CFAP96: variants seen among roughly 807,000 people sequenced by gnomAD.
CFAP96 encodes the protein cilia and flagella associated protein 96.
the CFAP96 span, among the ~76,000 whole-genome samples, chr4:185,411,726 T>C: frequency 6.6e-6 from 1 of 152,176 alleles, no homozygotes; most frequent in Non-Finnish European, 1.5e-5. Context: ...GTTGCACATA[T>C]GTATCGAGAG....
At chr4:185,441,069 G>T in the CFAP96 span, among the ~76,000 whole-genome samples, 1 of 151,860 alleles carries the variant, frequency 6.6e-6, no homozygotes, top group South Asian at 2.1e-4. Flanking sequence ...TCCTGCATCA[G>T]CCTCCAGAGT....
the CFAP96 span, among the ~76,000 whole-genome samples, chr4:185,443,451 C>T: frequency 0.059 from 8,679 of 146,766 alleles, 378 homozygotes; most frequent in African/African-American, 0.12. Flanking sequence ...TCAATTCAAG[C>T]GATTCCTTTG....
At chr4:185,445,404 G>T in the CFAP96 span, 1 of 890,762 alleles carries the variant, frequency 1.1e-6, no homozygotes, top group Non-Finnish European at 1.8e-6. Context: ...GCCTCATTAT[G>T]AGTCATTTGA....
the CFAP96 span, chr4:185,440,648 C>T: frequency 6.6e-7 from 1 of 1,513,196 alleles, no homozygotes; most frequent in African/African-American, 1.4e-5. Context: ...GGAATCTTTA[C>T]CACCAATTAA....
the CFAP96 span, among the ~76,000 whole-genome samples, chr4:185,435,653 T>C: frequency 1.3e-5 from 2 of 152,178 alleles, no homozygotes; most frequent in Admixed American, 1.3e-4. Flanking sequence ...GAAACAGCAG[T>C]CTTAAATATT....
the CFAP96 span, among the ~76,000 whole-genome samples, chr4:185,438,292 A>G: frequency 6.6e-6 from 1 of 151,864 alleles, no homozygotes; most frequent in African/African-American, 2.4e-5. Context: ...TTTTCCTTCT[A>G]TGTATTTCAT....
At chr4:185,415,278 A>G in the CFAP96 span, 1 of 1,600,890 alleles carries the variant, frequency 6.2e-7, no homozygotes, top group South Asian at 1.1e-5. Flanking sequence ...TTCCTTTCAT[A>G]TATTTCAAAA....
the CFAP96 span, among the ~76,000 whole-genome samples, chr4:185,448,221 G>T: frequency 6.6e-6 from 1 of 151,960 alleles, no homozygotes; most frequent in African/African-American, 2.4e-5. Flanking sequence ...GGGTTTTGCC[G>T]TGTTGGTCAG....
chr4:185,415,403 A>G, the CFAP96 span: 1 of 1,401,620 alleles, frequency 7.1e-7, no homozygotes, highest in Admixed American at 2.7e-5. Context: ...TACAATAAAG[A>G]AAAGTACAGA....
chr4:185,440,252 C>T, the CFAP96 span, among the ~76,000 whole-genome samples: 4 of 152,046 alleles, frequency 2.6e-5, no homozygotes, highest in East Asian at 7.7e-4. Context: ...TCTTGTTATG[C>T]TGCATCATAC....
At chr4:185,411,447 C>A in the CFAP96 span, among the ~76,000 whole-genome samples, 1 of 151,892 alleles carries the variant, frequency 6.6e-6, no homozygotes, top group Non-Finnish European at 1.5e-5. Flanking sequence ...AAAATAAGAA[C>A]AGTATGAGAG....
At chr4:185,430,354 A>T in the CFAP96 span, among the ~76,000 whole-genome samples, 5 of 152,238 alleles carry the variant, frequency 3.3e-5, no homozygotes, top group Non-Finnish European at 7.3e-5. Context: ...GTTAAATAAA[A>T]AAAGCAAGGT....
At chr4:185,410,723 G>C in the CFAP96 span, among the ~76,000 whole-genome samples, 3 of 151,596 alleles carry the variant, frequency 2.0e-5, no homozygotes, top group East Asian at 5.9e-4. Flanking sequence ...GAGGCAGGCA[G>C]ATCACGAGGT....
chr4:185,425,922 G>A, the CFAP96 span: 20 of 1,567,660 alleles, frequency 1.3e-5, no homozygotes, highest in Middle Eastern at 1.7e-4. Flanking sequence ...AGTTCCGGGG[G>A]CCGGCCCTGA....
chr4:185,432,679 A>G, the CFAP96 span, among the ~76,000 whole-genome samples: 4 of 152,064 alleles, frequency 2.6e-5, no homozygotes, highest in Admixed American at 6.6e-5. Context: ...CCTGGGCAAT[A>G]TAGAGAGACC....
the CFAP96 span, among the ~76,000 whole-genome samples, chr4:185,438,418 C>T: frequency 2.0e-5 from 3 of 152,178 alleles, no homozygotes; most frequent in Non-Finnish European, 2.9e-5. Context: ...TGGTTTTGCT[C>T]TCTAGAAGTT....
chr4:185,439,767 A>C, the CFAP96 span, among the ~76,000 whole-genome samples: 1 of 146,570 alleles, frequency 6.8e-6, no homozygotes, highest in Non-Finnish European at 1.5e-5. Context: ...ATATACATAT[A>C]TGTATCTATA....
the CFAP96 span, among the ~76,000 whole-genome samples, chr4:185,408,667 A>C: frequency 3.3e-5 from 5 of 151,970 alleles, no homozygotes; most frequent in Admixed American, 6.5e-5. Flanking sequence ...CTCCTCTCCA[A>C]TTTCATCTCC....
chr4:185,410,202 C>G, the CFAP96 span, among the ~76,000 whole-genome samples: 3 of 151,796 alleles, frequency 2.0e-5, no homozygotes, highest in East Asian at 5.8e-4. Context: ...TGGACATTAA[C>G]AAACACTTCT....
Sources: gnomAD v4.1 joint callset for allele counts (sites outside exome capture counted in the v4.1 genomes callset) on GRCh38, gnomAD v4.1.1 for gene constraint, MANE v1.5 for transcripts, NCBI Gene and HGNC (gene_info 2026-07-23, HGNC 2026-07-21) for gene names.